NELL2: variants seen among roughly 807,000 people sequenced by gnomAD.
NELL2 encodes the protein neural EGFL like 2.
A neutral mutation model predicts 109.6 loss-of-function variants in NELL2; 41 were observed. That is an observed-to-expected ratio of 0.37 (90% CI 0.29 to 0.49). The LOEUF (loss-of-function observed/expected upper bound fraction) is 0.49. Among genes scored for constraint, NELL2 ranks in the 20% least tolerant of loss-of-function variants. The pLI is 0.98. For synonymous variants in NELL2, 355 were observed against 344.7 expected (o/e 1.03, Z -0.33); for missense variants, 900 against 1,008.3 (o/e 0.89, Z 1.45).
chr12:44,786,575 A>T, intron 3 of NELL2, among the ~76,000 whole-genome samples: 1 of 152,174 alleles, frequency 6.6e-6, no homozygotes, highest in East Asian at 1.9e-4. Context: ...ACACATGTAC[A>T]TGTATGTTTT....
intron 3 of NELL2, among the ~76,000 whole-genome samples, chr12:44,811,337 TAAAAAAAAAA>T (rs10683929): frequency 9.7e-6 from 1 of 103,210 alleles, no homozygotes; most frequent in Non-Finnish European, 1.8e-5. Context: ...GAACTAAAAG[TAAAAAAAAAA>T]AAAAAAAAAA....
intron 9 of NELL2, among the ~76,000 whole-genome samples, chr12:44,715,830 T>A (rs1380049732): frequency 2.0e-5 from 3 of 152,210 alleles, no homozygotes; most frequent in African/African-American, 7.2e-5. Flanking sequence ...TATATTTTCT[T>A]TTGATTCCAC....
chr12:44,895,779 A>ACAG lies in NELL2; in HGVS notation c.38+18019_38+18020insCTG, dbSNP rs1238260470. On this transcript the variant is annotated intron_variant, in intron 1 of 20. Coordinates refer to the NELL2 transcript ENST00000333837. The stretch of plus-strand genomic sequence containing the variant: ...CCACCACCCCAGGGCACATTCTTCC[A>ACAG]CCTTGAGATTCACAGCCTAAAGAAT... 6.6e-5 allele frequency among the ~76,000 whole-genome samples: 10 copies of ACAG among 152,200 alleles called. No individual in the cohort carries two copies. The East Asian group carries it at 1.9e-3, about 29-fold the overall frequency.
chr12:44,792,644 GA>G (rs1405193246), intron 3 of NELL2, among the ~76,000 whole-genome samples: 1 of 152,010 alleles, frequency 6.6e-6, no homozygotes, highest in Non-Finnish European at 1.5e-5. Context: ...AAGTCAATAA[GA>G]AAAATCAACT....
At chr12:44,593,049 T>G (rs1257925417) in intron 15 of NELL2, among the ~76,000 whole-genome samples, 2 of 152,102 alleles carry the variant, frequency 1.3e-5, no homozygotes, top group East Asian at 3.9e-4. Context: ...GGGAGATGAG[T>G]CTGTCAGGCA....
chr12:44,622,645 T>G (rs542771124), intron 13 of NELL2, among the ~76,000 whole-genome samples: 1 of 152,142 alleles, frequency 6.6e-6, no homozygotes, highest in Non-Finnish European at 1.5e-5. Context: ...GTCTTTCCAA[T>G]GAATTTTAAG....
intron 13 of NELL2, among the ~76,000 whole-genome samples, chr12:44,614,848 T>G (rs17094886): frequency 3.9e-5 from 6 of 152,088 alleles, no homozygotes; most frequent in Non-Finnish European, 5.9e-5. Context: ...AGATGTACAA[T>G]AGAACATAAT....
At chr12:44,851,691 T>C (rs771943927) in intron 2 of NELL2, 8 of 152,182 alleles carry the variant, frequency 5.3e-5, no homozygotes, top group Non-Finnish European at 8.8e-5. Flanking sequence ...GAGGAGGGAA[T>C]AGTAGCCAAC....
intron 13 of NELL2, among the ~76,000 whole-genome samples, chr12:44,648,266 A>G (rs534558336): frequency 2.2e-4 from 33 of 152,310 alleles, no homozygotes; most frequent in Admixed American, 5.9e-4. Context: ...TCAAATGATC[A>G]TGAGTCAGTC....
At chr12:44,770,831 C>T (rs540598117) in intron 9 of NELL2, among the ~76,000 whole-genome samples, 8 of 152,238 alleles carry the variant, frequency 5.3e-5, no homozygotes, top group African/African-American at 1.9e-4. Flanking sequence ...TCTCATGAAC[C>T]GCCTTTCCTG....
intron 10 of NELL2, among the ~76,000 whole-genome samples, chr12:44,713,559 T>A (rs1351765845): frequency 6.6e-6 from 1 of 151,924 alleles, no homozygotes; most frequent in African/African-American, 2.4e-5. Flanking sequence ...GTGCCTCTAT[T>A]CTCTAAGATG....
At chr12:44,886,115 G>GGAAA (rs1945469533) in intron 1 of NELL2, among the ~76,000 whole-genome samples, 1 of 146,422 alleles carries the variant, frequency 6.8e-6, no homozygotes, top group South Asian at 2.1e-4. Flanking sequence ...AAGGAAGGAA[G>GGAAA]GAAGGAAGGA....
intron 1 of NELL2, among the ~76,000 whole-genome samples, chr12:44,901,169 G>A (rs572377888): frequency 1.2e-4 from 18 of 151,940 alleles, no homozygotes; most frequent in African/African-American, 4.3e-4. Flanking sequence ...TAATAAAGAA[G>A]AAAAGAGAGA....
intron 3 of NELL2, among the ~76,000 whole-genome samples, chr12:44,784,003 C>A (rs1159097183): frequency 1.3e-5 from 2 of 151,926 alleles, no homozygotes; most frequent in Admixed American, 1.3e-4. Flanking sequence ...TCCAGGGATG[C>A]CAGTCTGGTT....
intron 15 of NELL2, among the ~76,000 whole-genome samples, chr12:44,565,353 C>G (rs556667238): frequency 1.9e-4 from 29 of 152,234 alleles, no homozygotes; most frequent in African/African-American, 6.7e-4. Context: ...GCCAATTAAA[C>G]AATGACATCA....
chr12:44,637,027 A>G (rs1012781497), intron 13 of NELL2, among the ~76,000 whole-genome samples: 100 of 151,926 alleles, frequency 6.6e-4, no homozygotes, highest in Non-Finnish European at 9.1e-4. Flanking sequence ...TAGATTTTTT[A>G]GTTTATTTGC....
chr12:44,859,424 C>T (rs1944774313), intron 2 of NELL2, among the ~76,000 whole-genome samples: 1 of 152,162 alleles, frequency 6.6e-6, no homozygotes, highest in African/African-American at 2.4e-5. Context: ...GCCTGGAATC[C>T]CAGCTACTCA....
intron 11 of NELL2, among the ~76,000 whole-genome samples, chr12:44,705,605 A>G (rs1228598539): frequency 6.6e-6 from 1 of 152,180 alleles, no homozygotes; most frequent in African/African-American, 2.4e-5. Context: ...CTGTCTTTTT[A>G]TAATGCCTGA....
At chr12:44,562,922 C>T (rs930743815) in intron 15 of NELL2, among the ~76,000 whole-genome samples, 2 of 152,158 alleles carry the variant, frequency 1.3e-5, no homozygotes, top group Admixed American at 1.3e-4. Context: ...AACCCAAATG[C>T]CCATCAATGA....
Sources: allele counts gnomAD v4.1 joint callset (sites outside exome capture counted in the v4.1 genomes callset), GRCh38; gene constraint gnomAD v4.1.1; transcripts MANE v1.5; gene names NCBI Gene and HGNC (gene_info 2026-07-23, HGNC 2026-07-21).